Variants in SCAF4 observed in about 807,000 individuals in gnomAD.
SCAF4 encodes SR-related and CTD-associated factor 4.
SCAF4 carries 25 observed loss-of-function variants against 129.8 expected under a neutral mutation model. The ratio of observed to expected loss-of-function variants is 0.19; its 90% CI spans 0.14 to 0.27. SCAF4 has a LOEUF of 0.27. SCAF4 is among the 10% of genes least tolerant of loss of function. SCAF4 has a pLI of 1.00. For synonymous variants in SCAF4, 551 were observed against 497.7 expected, an observed-to-expected ratio of 1.11 and a Z score of -1.43; for missense variants, 1,246 against 1,457.1, an observed-to-expected ratio of 0.86 and a Z score of 2.36.
At chr21:31,672,391 GA>G in intron 19 of SCAF4, 37 bp from the exon 20 acceptor site, 2 of 1,456,844 alleles carry the variant, frequency 1.4e-6, no homozygotes, top group Non-Finnish European at 1.9e-6. Context: ...AAACACCACC[GA>G]AGATGGCACT....
rs188482313 is a variant in SCAF4 at position 31,698,999 on chromosome 21, G to T, written c.777+1996C>A. ...TTGACTAATACACTTCATGATAAAT[G>T]AACAAAGTTTGAAAAAGTATGAGGG... is the stretch of plus-strand genomic sequence containing the variant. On this transcript the variant is annotated intron_variant, in intron 7 of 19. Coordinates refer to ENST00000286835, the MANE Select transcript of SCAF4 (RefSeq NM_020706.2). Among the ~76,000 whole-genome samples, 424 of 152,212 alleles carry T rather than the reference G, an allele frequency of 2.8e-3. 4 individuals carry two copies. Among genetic ancestry groups the T allele is most frequent in the African/African-American group, 9.7e-3 (403 of 41,526 alleles).
At chr21:31,704,109 T>C (rs994301469) in intron 3 of SCAF4, among the ~76,000 whole-genome samples, 183 bp from the exon 4 acceptor site, 1 of 152,078 alleles carries the variant, frequency 6.6e-6, no homozygotes, top group African/African-American at 2.4e-5. Flanking sequence ...ATAATGGAAC[T>C]ACCATTCTCT....
chr21:31,709,989 A>G (rs1422306060), intron 1 of SCAF4, among the ~76,000 whole-genome samples: 1 of 152,092 alleles, frequency 6.6e-6, no homozygotes, highest in East Asian at 1.9e-4. Flanking sequence ...CTGCATACAG[A>G]CTAAATTTGT....
At position 31,671,125 on chromosome 21, in the gene SCAF4, AT is replaced by A. The variant is rs1318051552; in HGVS notation, c.*273del. ...TCTTAAATTAAAAAAAAAAAAAAAA[AT>A]AGAGAGCACTTCTAATTACGATTTG... On this transcript the variant is annotated 3_prime_UTR_variant, in exon 20 of 20. Transcript: ENST00000286835. 21 of 292,956 alleles carry A rather than the reference AT, an allele frequency of 7.2e-5. No individual in the cohort carries two copies. Among genetic ancestry groups the A allele is most frequent in the Non-Finnish European group, 1.2e-4 (19 of 160,422 alleles). 18.1% of individuals were successfully genotyped at this position (292,956 alleles called of 1,614,324 possible). A position where few individuals can be genotyped will look rare whatever the true frequency, so the allele number is the denominator to read the frequency against.
intron 16 of SCAF4, among the ~76,000 whole-genome samples, chr21:31,686,325 T>A (rs542673026): frequency 2.0e-5 from 3 of 152,244 alleles, no homozygotes; most frequent in Admixed American, 2.0e-4. Flanking sequence ...TCTGACATCA[T>A]GTAATACATT....
At chr21:31,695,376 G>C (rs894139835) in intron 9 of SCAF4, among the ~76,000 whole-genome samples, 9 of 151,598 alleles carry the variant, frequency 5.9e-5, no homozygotes, top group African/African-American at 2.2e-4. Flanking sequence ...ATGACTTCTA[G>C]GTTTACTTTA....
intron 9 of SCAF4, among the ~76,000 whole-genome samples, 182 bp from the exon 10 acceptor site, chr21:31,695,162 A>G (rs1181343775): frequency 6.6e-6 from 1 of 152,256 alleles, no homozygotes; most frequent in Non-Finnish European, 1.5e-5. Context: ...CATACCAAGT[A>G]TATAGGTTAA....
intron 19 of SCAF4, among the ~76,000 whole-genome samples, chr21:31,676,374 AT>A (rs2049856331): frequency 6.6e-6 from 1 of 152,160 alleles, no homozygotes; most frequent in East Asian, 1.9e-4. Flanking sequence ...CACCAGGCTC[AT>A]GCCTCACAAG....
rs1381003469 is a variant in SCAF4, at chr21:31,671,422, A to G, written c.3421T>C (p.Ser1141Pro). ...SSVEPEKDSG[S>P]AAEAPR Reference sequence around the variant, plus strand: ...CTCTAACGAGGAGCCTCTGCTGCTGAGCCAGAATCCTTTTCGGGTTCAACG... The same window carrying G: ...CTCTAACGAGGAGCCTCTGCTGCTGGGCCAGAATCCTTTTCGGGTTCAACG... Residue 1141 changes from serine to proline, a missense_variant, in exon 20 of 20, where the codon TCA (serine) becomes CCA (proline). Coordinates refer to ENST00000286835, the MANE Select transcript of SCAF4 (RefSeq NM_020706.2). 2 of 1,613,830 alleles carry G rather than the reference A, an allele frequency of 1.2e-6. No homozygotes were observed. Among genetic ancestry groups the G allele is most frequent in the Non-Finnish European group, 1.7e-6 (2 of 1,179,832 alleles).
Position 31,672,035 on chromosome 21 carries a change from G to C in SCAF4, c.2808C>G (p.Asp936Glu). Reference protein sequence around the residue: ...GPGPGPGGPEDRDGRQQPPQQ... With the variant: ...GPGPGPGGPEERDGRQQPPQQ... ...GCGGCGGCTGTTGCCTTCCGTCTCT[G>C]TCTTCAGGACCCCCTGGGCCTGGCC... is the stretch of plus-strand genomic sequence containing the variant. Residue 936 changes from aspartate to glutamate, a missense_variant, in exon 20 of 20, where the codon GAC (aspartate) becomes GAG (glutamate). Around this residue, in one of 6 missense-constraint regions of SCAF4, gnomAD observed 339 missense variants for 325.0 expected, o/e 1.04. Coordinates refer to ENST00000286835, the MANE Select transcript of SCAF4 (RefSeq NM_020706.2). The C allele has an allele frequency of 6.2e-7, 1 of 1,613,374 alleles. No homozygotes were observed. The highest frequency in any genetic ancestry group is 1.1e-5 in the South Asian group (1 of 91,072).
At chr21:31,726,867 C>T (rs1414880724) in intron 1 of SCAF4, among the ~76,000 whole-genome samples, 1 of 152,144 alleles carries the variant, frequency 6.6e-6, no homozygotes, top group Admixed American at 6.5e-5. Flanking sequence ...GCTGGTGCCA[C>T]TACACTCCAG....
chr21:31,712,222 CTT>C (rs11408552), intron 1 of SCAF4, among the ~76,000 whole-genome samples: 11 of 135,424 alleles, frequency 8.1e-5, no homozygotes, highest in Non-Finnish European at 1.1e-4. Flanking sequence ...TTGTTTGTTG[CTT>C]TTTTTTTTTT....
At chr21:31,701,498 T>A (rs1025226802) in intron 6 of SCAF4, among the ~76,000 whole-genome samples, 1 of 152,182 alleles carries the variant, frequency 6.6e-6, no homozygotes, top group African/African-American at 2.4e-5. Flanking sequence ...AATTTTGAAA[T>A]CCATCAGAAA....
rs750029722 is a variant in SCAF4 at position 31,693,489 on chromosome 21, T to C, written c.1323-5A>G. The stretch of plus-strand genomic sequence containing the variant: ...GATCGCCTCCTTTTTGGTGACCTAA[T>C]GTTTTCAAGAGAAGGGAGAATGCAT... On this transcript the variant is annotated splice_region_variant and splice_polypyrimidine_tract_variant and intron_variant, in intron 11 of 19. Transcript: ENST00000286835. 1.4e-6 allele frequency: 2 copies of C among 1,472,004 alleles called. No homozygotes were observed. The highest frequency in any genetic ancestry group is 1.8e-6 in the Non-Finnish European group (2 of 1,092,576). The allele number at this position is 1,472,004 out of a possible 1,614,324, so 91.2% of individuals were successfully genotyped here.
intron 6 of SCAF4, 87 bp downstream of exon 6, chr21:31,701,689 A>G (rs1233526532): frequency 2.2e-6 from 3 of 1,379,332 alleles, no homozygotes; most frequent in African/African-American, 1.5e-5. Context: ...TCTCCTTTCA[A>G]TGTGCTTATT....
chr21:31,723,837 AATC>A (rs1257621437), intron 1 of SCAF4, among the ~76,000 whole-genome samples: 3 of 152,182 alleles, frequency 2.0e-5, no homozygotes, highest in Non-Finnish European at 4.4e-5. Context: ...TTACACCAAG[AATC>A]ATCAATTACC....
chr21:31,723,492 CAAA>C (rs2051121914), intron 1 of SCAF4, among the ~76,000 whole-genome samples: 1 of 151,296 alleles, frequency 6.6e-6, no homozygotes, highest in South Asian at 2.1e-4. Context: ...AAAAACAAAA[CAAA>C]AAATCCTGTA....
At chr21:31,672,411 AG>A in intron 19 of SCAF4, 57 bp from the exon 20 acceptor site, 1 of 1,325,436 alleles carries the variant, frequency 7.5e-7, no homozygotes, top group South Asian at 1.2e-5. Flanking sequence ...CTCCAGTTTC[AG>A]CTGTGTTCTG....
intron 1 of SCAF4, among the ~76,000 whole-genome samples, chr21:31,710,238 G>A (rs1465235261): frequency 6.6e-6 from 1 of 152,100 alleles, no homozygotes; most frequent in Non-Finnish European, 1.5e-5. Context: ...GGAGCCTGGA[G>A]TAAGAAGGCC....
Sources: allele counts gnomAD v4.1 joint callset (sites outside exome capture counted in the v4.1 genomes callset), GRCh38; gene constraint gnomAD v4.1.1; regional missense constraint gnomAD v4.1.1; transcripts MANE v1.5; gene names NCBI Gene and HGNC (gene_info 2026-07-23, HGNC 2026-07-21).